TULP3: variants seen among roughly 807,000 people sequenced by gnomAD.
The protein encoded by TULP3 is tubby-related protein 3.
A neutral mutation model predicts 50.7 loss-of-function variants in TULP3; 38 were observed. The ratio of observed to expected loss-of-function variants is 0.75; its 90% CI spans 0.58 to 0.98. The LOEUF (loss-of-function observed/expected upper bound fraction) is 0.98, where lower values mean the gene tolerates loss of function less well. TULP3 is among the 50% of genes least tolerant of loss of function. The pLI is 0.00. For missense variants in TULP3, 550 were observed against 568.0 expected (o/e 0.97, Z 0.32); for synonymous variants, 183 against 196.6 (o/e 0.93, Z 0.58).
rs1565496769 is a variant in TULP3, at chr12:2,899,905, AAC to A, written c.41+8919_41+8920del. Among the ~76,000 whole-genome samples, 27 of 45,630 alleles carry A rather than the reference AAC, an allele frequency of 5.9e-4. 1 individual carries two copies. The highest frequency in any genetic ancestry group is 2.1e-3 in the African/African-American group (16 of 7,454). 29.9% of individuals were successfully genotyped at this position (45,630 alleles called of 152,430 possible). A position where few individuals can be genotyped will look rare whatever the true frequency, so the allele number is the denominator to read the frequency against. ...GAGACTCCGTCTCAAAAAAAAAACA[AAC>A]AAAAAAAAAAACAAAAAAAACTTGG... On this transcript the variant is annotated intron_variant, in intron 1 of 10. Coordinates refer to ENST00000448120, the MANE Select transcript of TULP3 (RefSeq NM_003324.5).
Position 2,937,688 on chromosome 12 carries a change from A to G in TULP3, c.982A>G (p.Met328Val), listed in dbSNP as rs1565509816. The G allele has an allele frequency of 6.2e-7, 1 of 1,613,428 alleles. No individual in the cohort carries two copies. The highest frequency in any genetic ancestry group is 8.5e-7 in the Non-Finnish European group (1 of 1,179,774). ...PRKMSVIIPG[M>V]TLNHKQIPYQ... is the part of the protein sequence containing the mutation. ...GAAAATGTCTGTGATCATTCCTGGA[A>G]TGACACTGAATCATAAGCAGATCCC... The change falls in exon 9 of 11, where the codon ATG becomes GTG. Residue 328 changes from methionine (M) to valine (V), a missense_variant. By Grantham distance (21) the Met-to-Val change is conservative (BLOSUM62 1). Transcript: ENST00000448120.
intron 1 of TULP3, among the ~76,000 whole-genome samples, chr12:2,903,993 G>A (rs940393198): frequency 3.9e-5 from 6 of 151,960 alleles, no homozygotes; most frequent in Non-Finnish European, 4.4e-5. Context: ...TGTGTTGGCC[G>A]GGGTGGTCTT....
At chr12:2,910,477 A>T (rs1395622231) in intron 2 of TULP3, among the ~76,000 whole-genome samples, 1 of 152,222 alleles carries the variant, frequency 6.6e-6, no homozygotes, top group Non-Finnish European at 1.5e-5. Flanking sequence ...AGGAAGGACT[A>T]AATGAACGGT....
intron 8 of TULP3, 84 bp downstream of exon 8, chr12:2,934,645 C>T: frequency 1.4e-6 from 1 of 732,794 alleles, no homozygotes; most frequent in Non-Finnish European, 2.1e-6. Context: ...AAGAACCTCC[C>T]CTCCCAAGCT....
At chr12:2,894,754 T>TA (rs1185917471) in intron 1 of TULP3, among the ~76,000 whole-genome samples, 1 of 151,572 alleles carries the variant, frequency 6.6e-6, no homozygotes, top group African/African-American at 2.4e-5. Context: ...ATTAGCCAGT[T>TA]ATGGTGGTGT....
Position 2,941,029 on chromosome 12 carries a change from GAT to G in TULP3, c.*1591_*1592del, listed in dbSNP as rs2098204510. 1 of 334,848 alleles carries G rather than the reference GAT, an allele frequency of 3.0e-6. No individual in the cohort carries two copies. Among genetic ancestry groups the G allele is most frequent in the East Asian group, 5.4e-5 (1 of 18,464 alleles). The allele number at this position is 334,848 out of a possible 1,614,324, so 20.7% of individuals were successfully genotyped here. ...CTTCTTCCTCCCTCTGGTTTAAAGAGATATATAAACTAATTTCACATAATTTG... is the reference window on the plus strand; with the variant it reads ...CTTCTTCCTCCCTCTGGTTTAAAGAGATATAAACTAATTTCACATAATTTG... On this transcript the variant is annotated 3_prime_UTR_variant, in exon 11 of 11. Transcript: ENST00000448120.
chr12:2,922,018 G>A (rs189737079), intron 3 of TULP3, among the ~76,000 whole-genome samples: 1 of 152,250 alleles, frequency 6.6e-6, no homozygotes, highest in African/African-American at 2.4e-5. Context: ...AGGAAGTCGA[G>A]GCTACAGTGA....
chr12:2,891,401 G>A (rs939305866), intron 1 of TULP3, among the ~76,000 whole-genome samples: 1 of 152,182 alleles, frequency 6.6e-6, no homozygotes, highest in African/African-American at 2.4e-5. Context: ...ATGTTTAGTA[G>A]CTTGTTCTGA....
chr12:2,936,251 C>CATCTCA (rs2098201197), intron 8 of TULP3, among the ~76,000 whole-genome samples: 2 of 152,080 alleles, frequency 1.3e-5, no homozygotes, highest in Non-Finnish European at 2.9e-5. Context: ...GCCTGGGTGA[C>CATCTCA]AGAGCAAGAC....
At chr12:2,930,054 C>T (rs1264905446) in intron 4 of TULP3, among the ~76,000 whole-genome samples, 194 bp from the exon 5 acceptor site, 3 of 152,170 alleles carry the variant, frequency 2.0e-5, no homozygotes, top group Admixed American at 2.0e-4. Flanking sequence ...TCTCCCCTGC[C>T]CCCAGCCCCT....
chr12:2,903,494 G>C (rs1257167648), intron 1 of TULP3, among the ~76,000 whole-genome samples: 2 of 151,180 alleles, frequency 1.3e-5, no homozygotes, highest in Non-Finnish European at 2.9e-5. Context: ...CCCGGGAGGC[G>C]GAGGTTGCGG....
chr12:2,910,708 G>A (rs1184916242), intron 2 of TULP3, among the ~76,000 whole-genome samples: 1 of 152,114 alleles, frequency 6.6e-6, no homozygotes, highest in Non-Finnish European at 1.5e-5. Context: ...CTAATAATGG[G>A]ACTTCTAGCC....
intron 1 of TULP3, among the ~76,000 whole-genome samples, chr12:2,891,790 C>T (rs2098172244): frequency 6.6e-6 from 1 of 152,072 alleles, no homozygotes; most frequent in Non-Finnish European, 1.5e-5. Context: ...CCTTGGAACA[C>T]GTCTATTATC....
At chr12:2,906,000 C>T (rs948532450) in intron 1 of TULP3, among the ~76,000 whole-genome samples, 11 of 149,018 alleles carry the variant, frequency 7.4e-5, no homozygotes, top group African/African-American at 2.5e-4. Flanking sequence ...CTAGCCCAGG[C>T]GACAGAGCCA....
chr12:2,895,858 T>G (rs1050600637), intron 1 of TULP3, among the ~76,000 whole-genome samples: 2 of 152,166 alleles, frequency 1.3e-5, no homozygotes, highest in African/African-American at 4.8e-5. Flanking sequence ...CTATACAGCC[T>G]GTTACTGTAC....
intron 4 of TULP3, among the ~76,000 whole-genome samples, chr12:2,926,640 G>A (rs530797069): frequency 8.9e-4 from 136 of 152,136 alleles, no homozygotes; most frequent in Non-Finnish European, 1.7e-3. Context: ...GGTGGCTCAC[G>A]CCGGTAATTC....
At chr12:2,931,513 C>T (rs2098198053) in intron 6 of TULP3, among the ~76,000 whole-genome samples, 1 of 152,144 alleles carries the variant, frequency 6.6e-6, no homozygotes, top group African/African-American at 2.4e-5. Flanking sequence ...TCACCTGTCT[C>T]CCATGATTGA....
At chr12:2,918,493 G>A (rs1368242329) in intron 2 of TULP3, among the ~76,000 whole-genome samples, 1 of 152,120 alleles carries the variant, frequency 6.6e-6, no homozygotes, top group Non-Finnish European at 1.5e-5. Context: ...GATAAGATAT[G>A]GCAGTTTCTT....
At chr12:2,932,324 A>T (rs1348511518) in intron 6 of TULP3, among the ~76,000 whole-genome samples, 1 of 152,058 alleles carries the variant, frequency 6.6e-6, no homozygotes, top group East Asian at 1.9e-4. Flanking sequence ...CACACGTATG[A>T]TCCCAGCACT....
Sources: allele counts gnomAD v4.1 joint callset (sites outside exome capture counted in the v4.1 genomes callset), GRCh38; gene constraint gnomAD v4.1.1; transcripts MANE v1.5; gene names NCBI Gene and HGNC (gene_info 2026-07-23, HGNC 2026-07-21).